The following ANGPT2 variants were observed in gnomAD, a reference collection of about 807,000 sequenced individuals.
ANGPT2 encodes the protein angiopoietin 2.
In ANGPT2, 28 loss-of-function variants were observed where a neutral mutation model predicts 62.9. The observed-to-expected ratio is 0.44, with a 90% CI of 0.33 to 0.61. The LOEUF is 0.61. Among genes scored for constraint, ANGPT2 ranks in the 20% least tolerant of loss-of-function variants. The pLI, the probability that ANGPT2 is intolerant of heterozygous loss-of-function variation, is 0.03. For synonymous variants in ANGPT2, 284 were observed against 207.8 expected (o/e 1.37, Z -3.15); for missense variants, 727 against 594.9 (o/e 1.22, Z -2.31).
chr8:6,515,300 C>T (rs1048682822), intron 5 of ANGPT2, among the ~76,000 whole-genome samples: 1 of 152,094 alleles, frequency 6.6e-6, no homozygotes, highest in African/African-American at 2.4e-5. Flanking sequence ...TACTGTGGGG[C>T]TGTTTGGCTT....
rs1815674507 is a variant in ANGPT2, at chr8:6,513,746, G to A, written c.1128C>T (p.Asp376=). The A allele has an allele frequency of 3.1e-6, 5 of 1,613,870 alleles. No homozygotes were observed. The highest frequency in any genetic ancestry group is 4.2e-6 in the Non-Finnish European group (5 of 1,179,924). The change falls in exon 7 of 9, where the codon GAC becomes GAT. Residue 376 remains aspartate, a synonymous_variant. Transcript: ENST00000629816. ...QRYVLKIHLK[D]WEGNEAYSLY... ...ATGAGTAAGCCTCATTCCCTTCCCAGTCTTTAAGGTGTATTTTAAGCACAT... is the reference window on the plus strand; with the variant it reads ...ATGAGTAAGCCTCATTCCCTTCCCAATCTTTAAGGTGTATTTTAAGCACAT...
rs776449505 is a variant in ANGPT2 at position 6,513,862 on chromosome 8, A to C, written c.1030-18T>G. 6.3e-7 allele frequency: 1 copy of C among 1,589,204 alleles called. No individual in the cohort carries two copies. The highest frequency in any genetic ancestry group is 1.2e-5 in the South Asian group (1 of 86,394). On this transcript the variant is annotated intron_variant, in intron 6 of 8. Coordinates refer to ENST00000629816, the MANE Select transcript of ANGPT2 (RefSeq NM_001118887.2). Reference sequence around the variant, plus strand: ...CCAAATCCCTGTAATGCAAGTTGTTAAATTCAATTATTTCATGTAATTTTT... The same window carrying C: ...CCAAATCCCTGTAATGCAAGTTGTTCAATTCAATTATTTCATGTAATTTTT...
At chr8:6,560,440 A>G (rs575017387) in intron 1 of ANGPT2, among the ~76,000 whole-genome samples, 1 of 152,334 alleles carries the variant, frequency 6.6e-6, no homozygotes, top group South Asian at 2.1e-4. Context: ...AAAAACAAAC[A>G]GTGAGGTTAC....
At chr8:6,534,938 G>T (rs1820222023) in intron 1 of ANGPT2, among the ~76,000 whole-genome samples, 1 of 152,190 alleles carries the variant, frequency 6.6e-6, no homozygotes, top group Non-Finnish European at 1.5e-5. Flanking sequence ...TTTTGAGGTT[G>T]CAGTTAAAGC....
intron 7 of ANGPT2, 116 bp from the exon 8 acceptor site, chr8:6,509,178 G>T: frequency 7.6e-7 from 1 of 1,313,974 alleles, no homozygotes; most frequent in Non-Finnish European, 1.0e-6. Flanking sequence ...ACTCGTTAAT[G>T]GACTAATGCA....
intron 1 of ANGPT2, among the ~76,000 whole-genome samples, chr8:6,546,179 A>C (rs950790492): frequency 2.0e-5 from 3 of 152,258 alleles, no homozygotes; most frequent in Non-Finnish European, 4.4e-5. Context: ...GAGTTAGCAC[A>C]ATTCCCAAAC....
chr8:6,552,288 A>G (rs889013467), intron 1 of ANGPT2, among the ~76,000 whole-genome samples: 2 of 152,226 alleles, frequency 1.3e-5, no homozygotes, highest in Non-Finnish European at 2.9e-5. Flanking sequence ...GAAATTACAT[A>G]TGACGATGGA....
chr8:6,521,883 A>G lies in ANGPT2; in HGVS notation c.567-473T>C, dbSNP rs535385578. On this transcript the variant is annotated intron_variant, in intron 3 of 8. Coordinates refer to ENST00000629816, the MANE Select transcript of ANGPT2 (RefSeq NM_001118887.2). The stretch of plus-strand genomic sequence containing the variant: ...AATGATAATAATAGCACTTAATGCT[A>G]TGTGAGAAATACTCCTTCATGGGGA... 2.6e-5 allele frequency among the ~76,000 whole-genome samples: 4 copies of G among 152,326 alleles called. No homozygotes were observed. In the South Asian group the frequency reaches 6.2e-4, roughly 24 times the overall value.
chr8:6,513,917 C>T (rs1815708699), intron 6 of ANGPT2, 73 bp from the exon 7 acceptor site: 3 of 1,361,320 alleles, frequency 2.2e-6, no homozygotes, highest in South Asian at 1.4e-5. Context: ...GATAGTCCGT[C>T]AACTTAACAT....
intron 4 of ANGPT2, among the ~76,000 whole-genome samples, chr8:6,520,907 C>T (rs1817210399): frequency 6.6e-6 from 1 of 152,126 alleles, no homozygotes; most frequent in Non-Finnish European, 1.5e-5. Context: ...AGTAATTTGC[C>T]CAGTCTCATC....
chr8:6,559,171 G>A (rs904139626), intron 1 of ANGPT2, among the ~76,000 whole-genome samples: 1 of 151,644 alleles, frequency 6.6e-6, no homozygotes, highest in Non-Finnish European at 1.5e-5. Context: ...ACCAAGCCCT[G>A]GGTTTTATTG....
chr8:6,558,062 C>A (rs1393998940), intron 1 of ANGPT2, among the ~76,000 whole-genome samples: 3 of 152,172 alleles, frequency 2.0e-5, no homozygotes, highest in Non-Finnish European at 4.4e-5. Flanking sequence ...CTCAGTCTTT[C>A]AAATTTTGCT....
At position 6,509,072 on chromosome 8, in the gene ANGPT2, T is replaced by A; in HGVS notation, c.1197-10A>T. On this transcript the variant is annotated splice_polypyrimidine_tract_variant and intron_variant, in intron 7 of 8. Transcript: ENST00000629816. ...TCCTTTAAGGTGAATCCTGTAAGCG[T>A]GCAAAGAAAAAAAACACATTGGCTA... The A allele has an allele frequency of 6.2e-7, 1 of 1,609,120 alleles. No individual in the cohort carries two copies. Among genetic ancestry groups the A allele is most frequent in the Non-Finnish European group, 8.5e-7 (1 of 1,178,138 alleles).
intron 1 of ANGPT2, among the ~76,000 whole-genome samples, chr8:6,546,090 T>G (rs2129574442): frequency 6.6e-6 from 1 of 152,354 alleles, no homozygotes; most frequent in Middle Eastern, 3.4e-3. Context: ...CTCAATACTT[T>G]CTAACATCAC....
At chr8:6,525,146 A>G (rs1407097798) in intron 3 of ANGPT2, among the ~76,000 whole-genome samples, 1 of 152,260 alleles carries the variant, frequency 6.6e-6, no homozygotes, top group Non-Finnish European at 1.5e-5. Flanking sequence ...CAGCCAAGGA[A>G]CTGGCTACCC....
chr8:6,499,757 TATCACTTTTTGCTGTGTCTTC>T lies in ANGPT2; in HGVS notation c.*3323_*3343del. The T allele has an allele frequency of 1.1e-5, 11 of 1,001,364 alleles. No homozygotes were observed. The highest frequency in any genetic ancestry group is 1.8e-5 in the Non-Finnish European group (11 of 626,602). The allele number at this position is 1,001,364 out of a possible 1,614,324, so 62.0% of individuals were successfully genotyped here. A position where few individuals can be genotyped will look rare whatever the true frequency, so the allele number is the denominator to read the frequency against. On this transcript the variant is annotated 3_prime_UTR_variant, in exon 9 of 9. Transcript: ENST00000629816. ...ACATCTATTTCAGATCTGCGGAGTG[TATCACTTTTTGCTGTGTCTTC>T]AAAGTGATTCTTGGTTTATTGCCTG...
At chr8:6,520,880 A>C (rs1480989595) in intron 4 of ANGPT2, among the ~76,000 whole-genome samples, 2 of 152,236 alleles carry the variant, frequency 1.3e-5, no homozygotes, top group African/African-American at 4.8e-5. Context: ...TAAATAAATG[A>C]ATATCGGCTG....
chr8:6,554,005 A>G (rs10103026), intron 1 of ANGPT2, among the ~76,000 whole-genome samples: 1 of 151,682 alleles, frequency 6.6e-6, no homozygotes, highest in Non-Finnish European at 1.5e-5. Context: ...AGACGAGCGC[A>G]CAACTCAGGT....
At chr8:6,549,536 G>A (rs1024720120) in intron 1 of ANGPT2, among the ~76,000 whole-genome samples, 1 of 151,904 alleles carries the variant, frequency 6.6e-6, no homozygotes, top group Admixed American at 6.6e-5. Flanking sequence ...ACACAGGTGC[G>A]CACATATATG....
Sources: allele counts gnomAD v4.1 joint callset (sites outside exome capture counted in the v4.1 genomes callset), GRCh38; gene constraint gnomAD v4.1.1; transcripts MANE v1.5; gene names NCBI Gene and HGNC (gene_info 2026-07-23, HGNC 2026-07-21).